Variants in DLC1 observed in about 807,000 individuals in gnomAD.
DLC1 encodes DLC1 Rho GTPase activating protein.
A neutral mutation model predicts 140.3 loss-of-function variants in DLC1; 54 were observed. That is an observed-to-expected ratio of 0.38 (90% confidence interval 0.31 to 0.48). The LOEUF is 0.48. Among genes scored for constraint, DLC1 ranks in the 20% least tolerant of loss-of-function variants. DLC1 has a pLI of 0.96. For synonymous variants in DLC1, 986 were observed against 728.1 expected (o/e 1.35, Z -5.70); for missense variants, 2,536 against 1,907.0 (o/e 1.33, Z -6.14).
In DLC1 at chr8:13,505,294, T is replaced by G. The variant is rs550460083; in HGVS notation, c.-125-5098A>C. Among the ~76,000 whole-genome samples, 3 of 152,024 alleles carry G rather than the reference T, an allele frequency of 2.0e-5. No homozygotes were observed. The East Asian group carries it at 5.8e-4, about 29-fold the overall frequency. ...GATTAGGGAGAGCAGGGAAAATAATTTAAGGGAGATAGTCACTTTCTGTAG... is the reference window on the plus strand; with the variant it reads ...GATTAGGGAGAGCAGGGAAAATAATGTAAGGGAGATAGTCACTTTCTGTAG... On this transcript the variant is annotated intron_variant, in intron 1 of 17. Coordinates refer to ENST00000276297, the MANE Select transcript of DLC1 (RefSeq NM_182643.3).
intron 2 of DLC1, among the ~76,000 whole-genome samples, chr8:13,436,468 C>A (rs1364581235): frequency 6.6e-6 from 1 of 152,122 alleles, no homozygotes; most frequent in African/African-American, 2.4e-5. Context: ...CGTTTTCAAT[C>A]TTCATTATTT....
chr8:13,382,303 C>A (rs914854104), intron 4 of DLC1, among the ~76,000 whole-genome samples: 2 of 151,014 alleles, frequency 1.3e-5, no homozygotes, highest in African/African-American at 4.9e-5. Flanking sequence ...GTCAGGAGAT[C>A]GAGACCATCC....
At chr8:13,236,386 G>C (rs17188586) in intron 5 of DLC1, among the ~76,000 whole-genome samples, 8,192 of 152,118 alleles carry the variant, frequency 0.054, 272 homozygotes, top group South Asian at 0.14. Context: ...TGGGAGATGT[G>C]ATTATGAGAT....
In DLC1 at chr8:13,499,178, A is replaced by C; in HGVS notation, c.894T>G (p.Gly298=). Residue 298 remains glycine, a synonymous_variant, in exon 2 of 18, where the codon GGT becomes GGG. Transcript: ENST00000276297. The part of the protein sequence containing the change: ...MSAENGLEKS[G]FSQHQNKSPP... ...GACTTTTGTTTTGATGTTGTGAAAAACCACTCTTCTCCAGGCCATTTTCAG... is the reference window on the plus strand; with the variant it reads ...GACTTTTGTTTTGATGTTGTGAAAACCCACTCTTCTCCAGGCCATTTTCAG... 6.2e-7 allele frequency: 1 copy of C among 1,614,000 alleles called. No homozygotes were observed. The highest frequency in any genetic ancestry group is 1.1e-5 in the South Asian group (1 of 91,068).
chr8:13,425,147 C>T (rs146639795), intron 2 of DLC1, among the ~76,000 whole-genome samples: 1 of 151,768 alleles, frequency 6.6e-6, no homozygotes, highest in Non-Finnish European at 1.5e-5. Flanking sequence ...GTCATTATCT[C>T]TCAGGGAAAT....
chr8:13,142,214 C>A (rs1047123848), intron 5 of DLC1, among the ~76,000 whole-genome samples: 2 of 152,174 alleles, frequency 1.3e-5, no homozygotes, highest in African/African-American at 4.8e-5. Context: ...AAACCACTTT[C>A]CTTTATAAAT....
At chr8:13,581,283 C>G (rs566526659) in intron 1 of DLC1, among the ~76,000 whole-genome samples, 1 of 152,290 alleles carries the variant, frequency 6.6e-6, no homozygotes, top group African/African-American at 2.4e-5. Context: ...CATACATATA[C>G]AAATGACATC....
chr8:13,334,786 T>C (rs901207059), intron 4 of DLC1, among the ~76,000 whole-genome samples: 3 of 152,158 alleles, frequency 2.0e-5, no homozygotes, highest in Non-Finnish European at 4.4e-5. Context: ...ATGTTAAAAA[T>C]GAGATGCTTG....
chr8:13,601,390 A>G (rs941182495), intron 1 of DLC1, among the ~76,000 whole-genome samples: 5 of 151,836 alleles, frequency 3.3e-5, no homozygotes, highest in African/African-American at 7.2e-5. Context: ...AGTCTCATAA[A>G]TAATAGAACT....
chr8:13,224,097 T>G (rs76577108), intron 5 of DLC1, among the ~76,000 whole-genome samples: 3,521 of 152,296 alleles, frequency 0.023, 151 homozygotes, highest in African/African-American at 0.079. Flanking sequence ...CTTTTTCCTT[T>G]GACAAAAACA....
At position 13,092,647 on chromosome 8, in the gene DLC1, A is replaced by T. The variant is rs773154664; in HGVS notation, c.3705T>A (p.His1235Gln). Reference protein sequence around the residue: ...LAVCLAPSLFHLNTLKRENSS... With the variant: ...LAVCLAPSLFQLNTLKRENSS... ...AATTCTCTCTCTTCAGGGTGTTGAGATGGAAGAGGGAAGGCGCTAAGCACA... is the reference window on the plus strand; with the variant it reads ...AATTCTCTCTCTTCAGGGTGTTGAGTTGGAAGAGGGAAGGCGCTAAGCACA... Residue 1235 changes from histidine (H) to glutamine (Q), a missense_variant, in exon 13 of 18, where the codon CAT becomes CAA. Physicochemically the swap from His to Gln is conservative, Grantham distance 24 (BLOSUM62 0). Transcript: ENST00000276297. 1 of 1,614,102 alleles carries T rather than the reference A, an allele frequency of 6.2e-7. No individual in the cohort carries two copies. Among genetic ancestry groups the T allele is most frequent in the Non-Finnish European group, 8.5e-7 (1 of 1,180,014 alleles).
In DLC1 at chr8:13,544,197, A is replaced by ACAC. The variant is rs61518550; in HGVS notation, c.-125-44002_-125-44001insGTG. Among the ~76,000 whole-genome samples, 462 of 144,870 alleles carry ACAC rather than the reference A, an allele frequency of 3.2e-3. 3 individuals are homozygous for ACAC. Among genetic ancestry groups the ACAC allele is most frequent in the African/African-American group, 0.011 (435 of 38,782 alleles). Reference sequence around the variant, plus strand: ...TGTCATTCTCTCTTACACACACACAAACACACACACACACACACACACACA... The same window carrying ACAC: ...TGTCATTCTCTCTTACACACACACAACACACACACACACACACACACACACACA... On this transcript the variant is annotated intron_variant, in intron 1 of 1. Coordinates refer to the DLC1 transcript ENST00000631382.
intron 1 of DLC1, among the ~76,000 whole-genome samples, chr8:13,546,812 C>T (rs895809095): frequency 3.9e-5 from 6 of 152,092 alleles, no homozygotes; most frequent in Non-Finnish European, 7.4e-5. Flanking sequence ...GTATTTCACT[C>T]ATCAATCACG....
chr8:13,147,171 G>A (rs983108526), intron 5 of DLC1, among the ~76,000 whole-genome samples: 1 of 152,146 alleles, frequency 6.6e-6, no homozygotes, highest in African/African-American at 2.4e-5. Context: ...GTATCATTTA[G>A]ATTCTTCCTT....
At chr8:13,125,638 G>C (rs1185542575) in intron 5 of DLC1, among the ~76,000 whole-genome samples, 2 of 152,104 alleles carry the variant, frequency 1.3e-5, no homozygotes, top group African/African-American at 4.8e-5. Context: ...GGCCCTTCTT[G>C]CCTATTTCAA....
chr8:13,256,537 G>C (rs920633769), intron 5 of DLC1, among the ~76,000 whole-genome samples: 1 of 152,150 alleles, frequency 6.6e-6, no homozygotes, highest in Admixed American at 6.5e-5. Context: ...AATATACTAT[G>C]CAGCCATAAA....
At chr8:13,256,983 A>C (rs767451248) in intron 5 of DLC1, among the ~76,000 whole-genome samples, 12 of 151,770 alleles carry the variant, frequency 7.9e-5, no homozygotes, top group Non-Finnish European at 1.6e-4. Context: ...GTGCTGAGTG[A>C]AGGCTATTCT....
At chr8:13,147,547 T>C (rs1299353435) in intron 5 of DLC1, among the ~76,000 whole-genome samples, 2 of 152,156 alleles carry the variant, frequency 1.3e-5, no homozygotes, top group Admixed American at 1.3e-4. Context: ...GGCACTCTTA[T>C]CTGGAATTTA....
chr8:13,160,742 T>C (rs1366402027), intron 5 of DLC1, among the ~76,000 whole-genome samples: 11 of 152,160 alleles, frequency 7.2e-5, no homozygotes, highest in Admixed American at 6.5e-5. Flanking sequence ...TATCCTTCAA[T>C]GTTTTTGTGA....
Sources: gnomAD v4.1 joint callset for allele counts (sites outside exome capture counted in the v4.1 genomes callset) on GRCh38, gnomAD v4.1.1 for gene constraint, MANE v1.5 for transcripts, NCBI Gene and HGNC (gene_info 2026-07-23, HGNC 2026-07-21) for gene names.